The following DOCK2 variants were observed in gnomAD, a reference collection of about 807,000 sequenced individuals.
The protein encoded by DOCK2 is dedicator of cytokinesis protein 2.
A neutral mutation model predicts 248.9 loss-of-function variants in DOCK2; 87 were observed. That is an observed-to-expected ratio of 0.35 (90% CI 0.29 to 0.42). DOCK2 has a LOEUF of 0.42. Ranked by LOEUF, DOCK2 falls within the 10% of genes least tolerant of loss-of-function variation. The pLI, the probability that DOCK2 is intolerant of heterozygous loss-of-function variation, is 1.00. For missense variants in DOCK2, 1,747 were observed against 2,300.2 expected (o/e 0.76, Z 4.92); for synonymous variants, 805 against 821.6 (o/e 0.98, Z 0.35).
intron 1 of DOCK2, among the ~76,000 whole-genome samples, chr5:169,650,477 G>A (rs780964681): frequency 6.6e-6 from 1 of 152,152 alleles, no homozygotes; most frequent in Non-Finnish European, 1.5e-5. Flanking sequence ...TTCTTTAGTT[G>A]TTTTTGTGAG....
chr5:169,750,833 G>A (rs1436999721), intron 23 of DOCK2, among the ~76,000 whole-genome samples: 1 of 152,240 alleles, frequency 6.6e-6, no homozygotes, highest in East Asian at 1.9e-4. Flanking sequence ...ATGGAGAGCA[G>A]TACCATATGA....
intron 26 of DOCK2, among the ~76,000 whole-genome samples, chr5:169,832,043 T>C (rs972624096): frequency 1.3e-5 from 2 of 152,188 alleles, no homozygotes; most frequent in African/African-American, 4.8e-5. Flanking sequence ...GGAAGGAGCA[T>C]GCAATTAGGC....
At chr5:169,829,641 G>A (rs1339063543) in intron 26 of DOCK2, among the ~76,000 whole-genome samples, 1 of 152,184 alleles carries the variant, frequency 6.6e-6, no homozygotes, top group Non-Finnish European at 1.5e-5. Flanking sequence ...TTTGTTAATT[G>A]ACATTAAAGT....
At chr5:169,896,264 G>A (rs1235534586) in intron 27 of DOCK2, among the ~76,000 whole-genome samples, 1 of 152,132 alleles carries the variant, frequency 6.6e-6, no homozygotes, top group Non-Finnish European at 1.5e-5. Context: ...AGAATCTTAT[G>A]GGTTCAGAGT....
intron 25 of DOCK2, among the ~76,000 whole-genome samples, chr5:169,780,333 G>GTGTGTGTGTGTGGA (rs1554100110): frequency 5.2e-4 from 75 of 144,984 alleles, no homozygotes; most frequent in African/African-American, 2.1e-3. Flanking sequence ...GTGTGTGTGT[G>GTGTGTGTGTGTGGA]TGTGTGTTGA....
At chr5:169,773,103 A>T (rs752688684) in intron 25 of DOCK2, 1 of 152,190 alleles carries the variant, frequency 6.6e-6, no homozygotes, top group African/African-American at 2.4e-5. Flanking sequence ...CACTCTGGAG[A>T]TCTGAGAAGG....
At chr5:169,909,289 T>C (rs1430604596) in intron 27 of DOCK2, among the ~76,000 whole-genome samples, 2 of 152,224 alleles carry the variant, frequency 1.3e-5, no homozygotes, top group African/African-American at 4.8e-5. Context: ...AATAGCCCAG[T>C]GTTGCTGGTG....
At chr5:170,031,013 A>G (rs977342898) in intron 34 of DOCK2, among the ~76,000 whole-genome samples, 1 of 152,236 alleles carries the variant, frequency 6.6e-6, no homozygotes, top group African/African-American at 2.4e-5. Flanking sequence ...TGCACAAGCT[A>G]TATAACCTTA....
chr5:169,709,588 T>G (rs393015), intron 15 of DOCK2, among the ~76,000 whole-genome samples: 136,501 of 152,096 alleles, frequency 0.9, 61,478 homozygotes, highest in Middle Eastern at 0.98. Flanking sequence ...GTGCATGGTG[T>G]CATGTGCCTA....
At chr5:169,883,453 G>A (rs559462645) in intron 27 of DOCK2, 1 of 1,551,640 alleles carries the variant, frequency 6.4e-7, no homozygotes, top group Non-Finnish European at 8.7e-7. Flanking sequence ...CCTTAAGTAG[G>A]CAAGGTCAGA....
intron 27 of DOCK2, among the ~76,000 whole-genome samples, chr5:169,881,052 GCT>G (rs2113499420): frequency 6.6e-6 from 1 of 152,274 alleles, no homozygotes; most frequent in South Asian, 2.1e-4. Context: ...CTAGGAAAAT[GCT>G]CTGTGTGAGC....
At chr5:169,919,814 G>C (rs1356540314) in intron 27 of DOCK2, among the ~76,000 whole-genome samples, 1 of 152,166 alleles carries the variant, frequency 6.6e-6, no homozygotes, top group Non-Finnish European at 1.5e-5. Context: ...TATTAATAGA[G>C]ATCAGGACCT....
intron 27 of DOCK2, among the ~76,000 whole-genome samples, chr5:169,925,790 T>A (rs1177062959): frequency 1.3e-5 from 2 of 152,086 alleles, no homozygotes; most frequent in East Asian, 3.9e-4. Context: ...AGACCAATAA[T>A]GGTGAGTCCT....
At chr5:170,024,882 C>A (rs1376159237) in intron 33 of DOCK2, among the ~76,000 whole-genome samples, 1 of 152,288 alleles carries the variant, frequency 6.6e-6, no homozygotes, top group African/African-American at 2.4e-5. Context: ...CACACACTCC[C>A]TGGAACCCTG....
At chr5:169,964,925 C>A (rs1777239846) in intron 27 of DOCK2, among the ~76,000 whole-genome samples, 1 of 152,238 alleles carries the variant, frequency 6.6e-6, no homozygotes, top group Non-Finnish European at 1.5e-5. Flanking sequence ...TCGCTCATGA[C>A]TATTATTCTG....
At position 169,714,146 on chromosome 5, in the gene DOCK2, C is replaced by T. The variant is rs2113536062; in HGVS notation, c.1778C>T (p.Ser593Phe). 1 of 1,613,844 alleles carries T rather than the reference C, an allele frequency of 6.2e-7. No individual in the cohort carries two copies. Among genetic ancestry groups the T allele is most frequent in the Middle Eastern group, 1.7e-4 (1 of 6,060 alleles). ...SRSSSSVGGL[S>F]VSSRDVFSIS... Reference sequence around the variant, plus strand: ...AGCTCCAGCAGTGTTGGGGGGCTTTCTGTCAGCTCCCGGGATGTGTTCTCC... The same window carrying T: ...AGCTCCAGCAGTGTTGGGGGGCTTTTTGTCAGCTCCCGGGATGTGTTCTCC... Residue 593 changes from serine (S) to phenylalanine (F), a missense_variant, in exon 18 of 52, where the codon TCT (serine) becomes TTT (phenylalanine). Transcript: ENST00000520908.
At position 169,920,731 on chromosome 5, in the gene DOCK2, G is replaced by GATTTA. The variant is rs1775127650; in HGVS notation, c.2800-62331_2800-62327dup. On this transcript the variant is annotated intron_variant, in intron 27 of 51. Coordinates refer to ENST00000520908, the MANE Select transcript of DOCK2 (RefSeq NM_004946.3). The stretch of plus-strand genomic sequence containing the variant: ...CTCATTCCCGTCTCCCGTCTCTGCA[G>GATTTA]ATTTAATTTATAGCTGGAACTTGGC... Among the ~76,000 whole-genome samples, 7 of 152,200 alleles carry GATTTA rather than the reference G, an allele frequency of 4.6e-5. No homozygotes were observed. In the South Asian group the frequency reaches 1.4e-3, roughly 32 times the overall value.
intron 1 of DOCK2, among the ~76,000 whole-genome samples, chr5:169,650,839 T>G (rs908495932): frequency 6.6e-6 from 1 of 152,156 alleles, no homozygotes; most frequent in South Asian, 2.1e-4. Context: ...GTCAAGTCTT[T>G]CCTAGGGAAT....
intron 22 of DOCK2, among the ~76,000 whole-genome samples, chr5:169,728,147 G>T (rs749200036): frequency 1.3e-5 from 2 of 152,166 alleles, no homozygotes; most frequent in Non-Finnish European, 2.9e-5. Context: ...TGGACTTTCT[G>T]GTCCATTTGA....
Sources: allele counts gnomAD v4.1 joint callset (sites outside exome capture counted in the v4.1 genomes callset), GRCh38; gene constraint gnomAD v4.1.1; transcripts MANE v1.5; gene names NCBI Gene and HGNC (gene_info 2026-07-23, HGNC 2026-07-21).